Variants in ADAMTSL1 observed in about 807,000 individuals in gnomAD.
ADAMTSL1 encodes ADAMTS like 1.
In ADAMTSL1, 126 loss-of-function variants were observed where a neutral mutation model predicts 201.8. The ratio of observed to expected loss-of-function variants is 0.62; its 90% CI spans 0.54 to 0.72. The LOEUF (loss-of-function observed/expected upper bound fraction) is 0.72. ADAMTSL1 is among the 30% of genes least tolerant of loss of function. ADAMTSL1 has a pLI of 0.00. For synonymous variants in ADAMTSL1, 1,121 were observed against 903.4 expected (o/e 1.24, Z -4.32); for missense variants, 2,679 against 2,277.8 (o/e 1.18, Z -3.59).
intron 1 of ADAMTSL1, among the ~76,000 whole-genome samples, chr9:18,116,276 A>G (rs574925786): frequency 2.0e-4 from 31 of 152,302 alleles, no homozygotes; most frequent in Admixed American, 1.8e-3. Flanking sequence ...TTGTCTTTAG[A>G]GATCCAGTAG....
In ADAMTSL1 at chr9:18,348,142, C is replaced by G. The variant is rs185689445; in HGVS notation, c.208-156687C>G. Among the ~76,000 whole-genome samples the G allele has an allele frequency of 2.0e-5, 3 of 152,280 alleles. No homozygotes were observed. In the East Asian group the frequency reaches 5.8e-4, roughly 29 times the overall value. ...TTCTCACACTTACTAATCTTTTTAG[C>G]AGTGAAAATAGCCATTGTTGCTAAT... On this transcript the variant is annotated intron_variant, in intron 2 of 29. Coordinates refer to the ADAMTSL1 transcript ENST00000680146.
chr9:18,019,700 T>G (rs1820402419), intron 1 of ADAMTSL1, among the ~76,000 whole-genome samples: 1 of 152,090 alleles, frequency 6.6e-6, no homozygotes. Context: ...GCAGGAACAT[T>G]GGACTTGGAC....
At chr9:18,189,176 T>C (rs1323295701) in intron 2 of ADAMTSL1, among the ~76,000 whole-genome samples, 4 of 152,056 alleles carry the variant, frequency 2.6e-5, no homozygotes, top group Non-Finnish European at 5.9e-5. Context: ...CCAGGCTGAG[T>C]TGTGTACTGC....
chr9:18,284,644 T>G (rs1479872648), intron 2 of ADAMTSL1, among the ~76,000 whole-genome samples: 2 of 152,228 alleles, frequency 1.3e-5, no homozygotes, highest in Non-Finnish European at 2.9e-5. Context: ...CTGTTTCCTA[T>G]GTGATCATGT....
intron 2 of ADAMTSL1, among the ~76,000 whole-genome samples, chr9:18,451,664 G>A (rs942517239): frequency 2.6e-5 from 4 of 152,182 alleles, no homozygotes; most frequent in African/African-American, 9.7e-5. Flanking sequence ...ATCTGAACTC[G>A]TTGTTTTGTT....
chr9:18,265,288 T>G (rs2132550731), intron 2 of ADAMTSL1, among the ~76,000 whole-genome samples: 1 of 152,274 alleles, frequency 6.6e-6, no homozygotes, highest in African/African-American at 2.4e-5. Flanking sequence ...CTGCATGTAT[T>G]GCTTCCTCAG....
intron 2 of ADAMTSL1, among the ~76,000 whole-genome samples, chr9:18,520,065 G>A (rs1486784516): frequency 1.3e-5 from 2 of 152,110 alleles, no homozygotes; most frequent in African/African-American, 4.8e-5. Context: ...TTATAGTTTA[G>A]ACATACCAAA....
At chr9:18,027,204 G>A (rs892093971) in intron 1 of ADAMTSL1, among the ~76,000 whole-genome samples, 2 of 151,134 alleles carry the variant, frequency 1.3e-5, no homozygotes, top group Non-Finnish European at 3.0e-5. Flanking sequence ...TTTTGGGTCT[G>A]TATTTCATTC....
intron 2 of ADAMTSL1, among the ~76,000 whole-genome samples, chr9:18,458,904 G>T (rs1478032007): frequency 6.6e-6 from 1 of 152,164 alleles, no homozygotes; most frequent in Admixed American, 6.5e-5. Flanking sequence ...GGAGTTCAGA[G>T]CAAAAGTCCT....
intron 1 of ADAMTSL1, among the ~76,000 whole-genome samples, chr9:18,006,146 A>G (rs565143005): frequency 1.3e-5 from 2 of 152,092 alleles, no homozygotes; most frequent in South Asian, 2.1e-4. Context: ...TAAATACCCA[A>G]TTTCAAGCTA....
chr9:18,345,474 C>T (rs1391779657), intron 2 of ADAMTSL1, among the ~76,000 whole-genome samples: 1 of 152,010 alleles, frequency 6.6e-6, no homozygotes, highest in Non-Finnish European at 1.5e-5. Flanking sequence ...GTTAACATCA[C>T]GTGTAGGAAT....
At chr9:18,682,562 A>G (rs1830568180) in intron 12 of ADAMTSL1, among the ~76,000 whole-genome samples, 1 of 152,212 alleles carries the variant, frequency 6.6e-6, no homozygotes, top group Non-Finnish European at 1.5e-5. Flanking sequence ...TACACTGGAT[A>G]TCTCAGATTA....
chr9:17,983,824 A>G (rs1339152848), intron 1 of ADAMTSL1, among the ~76,000 whole-genome samples: 2 of 152,196 alleles, frequency 1.3e-5, no homozygotes, highest in Non-Finnish European at 2.9e-5. Context: ...AAAAAAATCC[A>G]GCACATAAAC....
At chr9:18,302,677 A>G (rs954072529) in intron 2 of ADAMTSL1, among the ~76,000 whole-genome samples, 1 of 152,348 alleles carries the variant, frequency 6.6e-6, no homozygotes, top group South Asian at 2.1e-4. Flanking sequence ...TGCATGTATA[A>G]CAGTCTAATA....
intron 2 of ADAMTSL1, among the ~76,000 whole-genome samples, chr9:18,206,724 A>C (rs967134771): frequency 2.0e-5 from 3 of 152,148 alleles, no homozygotes; most frequent in African/African-American, 7.2e-5. Context: ...AATTCCTTAT[A>C]AACAGAAGTC....
At chr9:18,623,957 A>G (rs1462413548) in intron 5 of ADAMTSL1, among the ~76,000 whole-genome samples, 2 of 152,198 alleles carry the variant, frequency 1.3e-5, no homozygotes, top group East Asian at 1.9e-4. Context: ...AAATGGACTT[A>G]TAGGTCAAGG....
intron 2 of ADAMTSL1, among the ~76,000 whole-genome samples, chr9:18,318,944 C>T (rs989973712): frequency 6.6e-6 from 1 of 152,194 alleles, no homozygotes; most frequent in African/African-American, 2.4e-5. Context: ...CACAGTGGCT[C>T]ATGCCTGTAA....
At chr9:18,513,329 C>T (rs1818152307) in intron 2 of ADAMTSL1, among the ~76,000 whole-genome samples, 1 of 152,220 alleles carries the variant, frequency 6.6e-6, no homozygotes, top group Non-Finnish European at 1.5e-5. Flanking sequence ...CAACCTCTGG[C>T]AGCCTCCCTT....
intron 2 of ADAMTSL1, among the ~76,000 whole-genome samples, chr9:18,396,898 C>T (rs1434001107): frequency 6.6e-6 from 1 of 152,070 alleles, no homozygotes; most frequent in Non-Finnish European, 1.5e-5. Context: ...AGAAACAAAA[C>T]CTTAGTACAT....
Sources: allele counts gnomAD v4.1 joint callset (sites outside exome capture counted in the v4.1 genomes callset), GRCh38; gene constraint gnomAD v4.1.1; transcripts MANE v1.5; gene names NCBI Gene and HGNC (gene_info 2026-07-23, HGNC 2026-07-21).